Variants in ABCC6 observed in about 807,000 individuals in gnomAD.
ABCC6 encodes the protein ATP binding cassette subfamily C member 6.
In ABCC6, 126 loss-of-function variants were observed where a neutral mutation model predicts 169.5. The ratio of observed to expected loss-of-function variants is 0.74; its 90% CI spans 0.64 to 0.86. The LOEUF (loss-of-function observed/expected upper bound fraction) is 0.86. ABCC6 is among the 40% of genes least tolerant of loss of function. The probability of loss-of-function intolerance (pLI) is 0.00; values close to 1 mark genes in which losing one functional copy is unlikely to be tolerated. For missense variants in ABCC6, 1,733 were observed against 1,927.2 expected (o/e 0.90, Z 1.89); for synonymous variants, 752 against 814.7 (o/e 0.92, Z 1.31).
chr16:16,192,641 C>T (rs1019828044), intron 11 of ABCC6, among the ~76,000 whole-genome samples, 189 bp downstream of exon 11: 10 of 152,178 alleles, frequency 6.6e-5, no homozygotes, highest in Non-Finnish European at 1.0e-4. Context: ...ATTGGAGGGA[C>T]GGAGCCACTG....
Position 16,165,817 on chromosome 16 carries a change from G to A in ABCC6, c.3112C>T (p.Arg1038Trp), listed in dbSNP as rs897563499. The A allele has an allele frequency of 1.7e-5, 27 of 1,613,442 alleles. No homozygotes were observed. The highest frequency in any genetic ancestry group is 1.4e-4 in the South Asian group (13 of 91,084). The change falls in exon 23 of 31, where the codon CGG (arginine) becomes TGG (tryptophan). Residue 1038 changes from arginine to tryptophan, a missense_variant. Arg to Trp is a moderately radical substitution (Grantham distance 101). Around this residue, in one of 5 missense-constraint regions of ABCC6, gnomAD observed 1,601 missense variants for 1,635.5 expected, o/e 0.98. Transcript: ENST00000205557. Reference protein sequence around the residue: ...VVRSPISFFERTPIGHLLNRF... With the variant: ...VVRSPISFFEWTPIGHLLNRF... ...TTTAGCAGGTGACCAATGGGTGTCC[G>A]CTCAAAGAAGCTGATGGGAGATCGC...
chr16:16,184,046 A>C (rs1242009269), intron 15 of ABCC6: 1 of 163,688 alleles, frequency 6.1e-6, no homozygotes, highest in African/African-American at 2.4e-5. Context: ...TAAAAATACA[A>C]AAATTAGCTG....
rs1596715795 is a variant in ABCC6, at chr16:16,202,315, T to C, written c.999-137A>G. 7.1e-6 allele frequency: 7 copies of C among 982,296 alleles called. No homozygotes were observed. The East Asian group carries it at 1.6e-4, about 22-fold the overall frequency. 60.8% of individuals were successfully genotyped at this position (982,296 alleles called of 1,614,324 possible). A position where few individuals can be genotyped will look rare whatever the true frequency, so the allele number is the denominator to read the frequency against. ...GGTGTGGAGGATCAGTCAGTGTGGT[T>C]TTTTTTGCAATAATGGTCTCCGTTA... On this transcript the variant is annotated intron_variant, in intron 8 of 30. Transcript: ENST00000205557.
At position 16,182,519 on chromosome 16, in the gene ABCC6, C is replaced by T. The variant is rs200513114; in HGVS notation, c.2140G>A (p.Gly714Arg). ...AGCCAGGGTGGGTCCAGCTCCTGCCCGAAGCACACATTCTCTACCACAGAG... is the reference window on the plus strand; with the variant it reads ...AGCCAGGGTGGGTCCAGCTCCTGCCTGAAGCACACATTCTCTACCACAGAG... ...NTSVVENVCF[G>R]QELDPPWLER... Residue 714 changes from glycine to arginine, a missense_variant, in exon 17 of 31, where the codon GGG becomes AGG. Around this residue, in one of 5 missense-constraint regions of ABCC6, gnomAD observed 1,601 missense variants for 1,635.5 expected, o/e 0.98. Coordinates refer to ENST00000205557, the MANE Select transcript of ABCC6 (RefSeq NM_001171.6). 84 of 1,614,142 alleles carry T rather than the reference C, an allele frequency of 5.2e-5. No individual in the cohort carries two copies. The highest frequency in any genetic ancestry group is 3.5e-4 in the Admixed American group (21 of 60,014).
intron 5 of ABCC6, among the ~76,000 whole-genome samples, chr16:16,212,706 G>A (rs372620855): frequency 0.024 from 3,661 of 152,022 alleles, 59 homozygotes; most frequent in Non-Finnish European, 0.036. Flanking sequence ...AGCAGGCAGC[G>A]TAAAAAGAGG....
At chr16:16,151,204 CAGT>C (rs2046378386) in intron 29 of ABCC6, among the ~76,000 whole-genome samples, 1 of 152,126 alleles carries the variant, frequency 6.6e-6, no homozygotes, top group African/African-American at 2.4e-5. Context: ...GCTGGAATTA[CAGT>C]CATGCGCCAC....
chr16:16,191,895 G>A (rs145623500), intron 11 of ABCC6, among the ~76,000 whole-genome samples: 1 of 152,110 alleles, frequency 6.6e-6, no homozygotes, highest in Non-Finnish European at 1.5e-5. Context: ...TAGATGCCGA[G>A]TTGGCCACAA....
At chr16:16,159,448 T>C (rs1394499347) in intron 26 of ABCC6, 34 bp downstream of exon 26, 1 of 1,549,200 alleles carries the variant, frequency 6.5e-7, no homozygotes, top group Non-Finnish European at 8.9e-7. Context: ...AATATGTCCT[T>C]GCTGGGACCC....
rs72664286 is a variant in ABCC6 at position 16,169,821 on chromosome 16, A to C, written c.2820T>G (p.Arg940=). The part of the protein sequence containing the change: ...VKATVHLAYL[R]AVGTPLCLYA... ...AGAGGCAGAGGGGGGTGCCCACGGCACGCAGGTAGGCCAGGTGCACTGTGG... is the reference window on the plus strand; with the variant it reads ...AGAGGCAGAGGGGGGTGCCCACGGCCCGCAGGTAGGCCAGGTGCACTGTGG... The change falls in exon 22 of 31, where the codon CGT becomes CGG. Residue 940 remains arginine (R), a synonymous_variant. Transcript: ENST00000205557. 1.9e-5 allele frequency: 29 copies of C among 1,560,834 alleles called. No homozygotes were observed. In the Admixed American group the frequency reaches 5.4e-4, roughly 29 times the overall value.
intron 20 of ABCC6, among the ~76,000 whole-genome samples, chr16:16,174,759 A>ACCGCCCCC (rs200038324): frequency 2.4e-5 from 2 of 84,482 alleles, no homozygotes; most frequent in South Asian, 9.6e-4. Context: ...TCTGTCTCAA[A>ACCGCCCCC]ACCCCCCCCC....
intron 29 of ABCC6, 136 bp downstream of exon 29, chr16:16,154,492 A>T: frequency 1.8e-6 from 2 of 1,137,624 alleles, no homozygotes; most frequent in Non-Finnish European, 1.3e-6. Flanking sequence ...GGAATTGCAG[A>T]TAAGAGACAT....
chr16:16,157,698 G>T lies in ABCC6; in HGVS notation c.3847C>A (p.Gln1283Lys). ...RYRPELPLAV[Q>K]GVSFKIHAGE... ...GCGTGGATCTTGAAGGACACGCCCTGCACAGCCAGCGGGAGCTCAGGTCGG... is the reference window on the plus strand; with the variant it reads ...GCGTGGATCTTGAAGGACACGCCCTTCACAGCCAGCGGGAGCTCAGGTCGG... The change falls in exon 27 of 31, where the codon CAG becomes AAG. Residue 1283 changes from glutamine (Q) to lysine (K), a missense_variant. Gln to Lys is a moderately conservative substitution (Grantham distance 53). Transcript: ENST00000205557. The T allele has an allele frequency of 6.2e-7, 1 of 1,613,848 alleles. No individual in the cohort carries two copies. Among genetic ancestry groups the T allele is most frequent in the South Asian group, 1.1e-5 (1 of 91,076 alleles).
At chr16:16,193,478 C>T (rs1307886021) in intron 10 of ABCC6, among the ~76,000 whole-genome samples, 4 of 152,034 alleles carry the variant, frequency 2.6e-5, no homozygotes, top group Non-Finnish European at 5.9e-5. Context: ...TTTGGGAGGC[C>T]GGAGGCGGGC....
chr16:16,161,578 C>A lies in ABCC6; in HGVS notation c.3507-14G>T. ...GCCGCAAGCCACCTGCAAAGGGAAGCGACAGCAGGGTGAGTGGTTACTCTC... is the reference window on the plus strand; with the variant it reads ...GCCGCAAGCCACCTGCAAAGGGAAGAGACAGCAGGGTGAGTGGTTACTCTC... On this transcript the variant is annotated splice_polypyrimidine_tract_variant and intron_variant, in intron 24 of 30. Coordinates refer to ENST00000205557, the MANE Select transcript of ABCC6 (RefSeq NM_001171.6). The A allele has an allele frequency of 6.2e-7, 1 of 1,613,836 alleles. No individual in the cohort carries two copies. The highest frequency in any genetic ancestry group is 1.1e-5 in the South Asian group (1 of 91,084).
In ABCC6 at chr16:16,161,472, C is replaced by A. The variant is rs867626759; in HGVS notation, c.3599G>T (p.Gly1200Val). The A allele has an allele frequency of 6.2e-7, 1 of 1,613,960 alleles. No homozygotes were observed. Among genetic ancestry groups the A allele is most frequent in the Non-Finnish European group, 8.5e-7 (1 of 1,180,030 alleles). Reference protein sequence around the residue: ...AVLSKAHLSAGLVGFSVSAAL... With the variant: ...AVLSKAHLSAVLVGFSVSAAL... ...AGCAGAGACAGAGAAGCCCACGAGG[C>A]CAGCACTGAGGTGGGCTTTGCTCAG... The change falls in exon 25 of 31, where the codon GGC becomes GTC. Residue 1200 changes from glycine (G) to valine (V), a missense_variant. Gly to Val is a moderately radical substitution (Grantham distance 109, BLOSUM62 -3). Coordinates refer to ENST00000205557, the MANE Select transcript of ABCC6 (RefSeq NM_001171.6).
intron 17 of ABCC6, among the ~76,000 whole-genome samples, chr16:16,180,495 A>G (rs2047432574): frequency 6.6e-6 from 1 of 151,638 alleles, no homozygotes. Context: ...TTTAAAACTT[A>G]TTTTTATTTA....
rs2046767290 is a variant in ABCC6, at chr16:16,162,977, C to T, written c.3506+16G>A. On this transcript the variant is annotated intron_variant, in intron 24 of 30. Transcript: ENST00000205557. ...TGGATGAATTGCAAGGTCTTCTCTG[C>T]CCTGGCTCTTCCTACCTGTCAGCCA... The T allele has an allele frequency of 1.2e-6, 2 of 1,613,856 alleles. No homozygotes were observed. The highest frequency in any genetic ancestry group is 1.3e-5 in the African/African-American group (1 of 74,910).
intron 10 of ABCC6, among the ~76,000 whole-genome samples, chr16:16,195,279 T>G (rs1485202154): frequency 6.6e-6 from 1 of 151,142 alleles, no homozygotes; most frequent in African/African-American, 2.4e-5. Flanking sequence ...GCATTATCTA[T>G]GGATATCTTG....
chr16:16,150,900 A>ATGGGGTC (rs768990161), intron 29 of ABCC6, 128 bp from the exon 30 acceptor site: 85 of 1,514,870 alleles, frequency 5.6e-5, no homozygotes, highest in African/African-American at 1.5e-4. Flanking sequence ...ATCCCCACAC[A>ATGGGGTC]TGGGGTCTGG....
Sources: gnomAD v4.1 joint callset for allele counts (sites outside exome capture counted in the v4.1 genomes callset) on GRCh38, gnomAD v4.1.1 for gene constraint, gnomAD v4.1.1 regional missense constraint, MANE v1.5 for transcripts, NCBI Gene and HGNC (gene_info 2026-07-23, HGNC 2026-07-21) for gene names.